The following ARNT2 variants were observed in gnomAD, a reference collection of about 807,000 sequenced individuals.
ARNT2 encodes ARNT protein 2.
In ARNT2, 36 loss-of-function variants were observed where a neutral mutation model predicts 91.7. The observed-to-expected ratio is 0.39, with a 90% confidence interval of 0.30 to 0.52. The LOEUF (loss-of-function observed/expected upper bound fraction) is 0.52. ARNT2 is among the 20% of genes least tolerant of loss of function. The probability of loss-of-function intolerance (pLI) is 0.72; values close to 1 mark genes in which losing one functional copy is unlikely to be tolerated. For missense variants in ARNT2, 775 were observed against 939.3 expected (o/e 0.83, Z 2.29); for synonymous variants, 365 against 347.1 (o/e 1.05, Z -0.57).
chr15:80,590,999 A>G (rs1369241109), intron 17 of ARNT2, among the ~76,000 whole-genome samples: 2 of 152,182 alleles, frequency 1.3e-5, no homozygotes, highest in African/African-American at 2.4e-5. Flanking sequence ...GGGACCTTGT[A>G]TAATGCGTGT....
chr15:80,421,338 T>G (rs1045733623), intron 1 of ARNT2, among the ~76,000 whole-genome samples: 9 of 144,298 alleles, frequency 6.2e-5, no homozygotes, highest in African/African-American at 2.3e-4. Flanking sequence ...ATTTCGGCCT[T>G]CACTATACAA....
At chr15:80,474,651 C>G (rs1281201118) in intron 4 of ARNT2, among the ~76,000 whole-genome samples, 1 of 152,144 alleles carries the variant, frequency 6.6e-6, no homozygotes, top group African/African-American at 2.4e-5. Context: ...CCCTTCTGCT[C>G]CAATGACATG....
At position 80,404,435 on chromosome 15, in the gene ARNT2, G is replaced by A. The variant is rs1458002071; in HGVS notation, c.-81G>A. ...GCGGCGGCGGCGCCTGGGCCTGACC[G>A]GGTCCCCGGGGCTGAGCGCCGGGCT... On this transcript the variant is annotated 5_prime_UTR_variant, in exon 1 of 19. Coordinates refer to ENST00000303329, the MANE Select transcript of ARNT2 (RefSeq NM_014862.4). The surrounding 1 kb of genome is among the most constrained non-coding windows in gnomAD (Gnocchi z 5.5). The A allele has an allele frequency of 1.0e-6, 1 of 990,800 alleles. No individual in the cohort carries two copies. The highest frequency in any genetic ancestry group is 1.2e-6 in the Non-Finnish European group (1 of 801,884). 61.4% of individuals were successfully genotyped at this position (990,800 alleles called of 1,614,324 possible). A position where few individuals can be genotyped will look rare whatever the true frequency, so the allele number is the denominator to read the frequency against.
intron 8 of ARNT2, among the ~76,000 whole-genome samples, chr15:80,522,326 A>G (rs1238295545): frequency 1.3e-5 from 2 of 152,226 alleles, no homozygotes; most frequent in Non-Finnish European, 2.9e-5. Context: ...TAGTGCATAC[A>G]TAATGGAGCC....
chr15:80,430,260 A>G (rs1227989313), intron 1 of ARNT2, among the ~76,000 whole-genome samples: 7 of 151,700 alleles, frequency 4.6e-5, no homozygotes, highest in African/African-American at 1.7e-4. Context: ...TGAGTTGGAG[A>G]TCTCTGTGGT....
intron 8 of ARNT2, among the ~76,000 whole-genome samples, chr15:80,540,230 T>C (rs946675852): frequency 2.6e-5 from 4 of 152,222 alleles, no homozygotes; most frequent in Non-Finnish European, 5.9e-5. Flanking sequence ...GAGAAACTGC[T>C]AGACTGTTTT....
At chr15:80,464,195 G>A (rs1896612817) in intron 3 of ARNT2, among the ~76,000 whole-genome samples, 1 of 152,144 alleles carries the variant, frequency 6.6e-6, no homozygotes, top group African/African-American at 2.4e-5. Context: ...CTCTGTTGGG[G>A]AGAGGTGGTG....
At chr15:80,423,776 CAG>C (rs3054951) in intron 1 of ARNT2, among the ~76,000 whole-genome samples, 441 of 148,356 alleles carry the variant, frequency 3.0e-3, no homozygotes, top group Non-Finnish European at 4.8e-3. Context: ...GAGAAAGAGG[CAG>C]AGAGAGAGAG....
intron 6 of ARNT2, among the ~76,000 whole-genome samples, chr15:80,509,932 G>A (rs183306157): frequency 2.6e-5 from 4 of 152,264 alleles, no homozygotes; most frequent in East Asian, 1.9e-4. Flanking sequence ...ACTTTACATC[G>A]CTTCAGCTTT....
At chr15:80,536,430 C>T (rs941076932) in intron 8 of ARNT2, among the ~76,000 whole-genome samples, 2 of 152,136 alleles carry the variant, frequency 1.3e-5, no homozygotes, top group Non-Finnish European at 2.9e-5. Context: ...TTGCCTGCCC[C>T]TTACTGTGCA....
chr15:80,416,306 GTC>G (rs943652525), intron 1 of ARNT2, among the ~76,000 whole-genome samples: 12 of 147,266 alleles, frequency 8.1e-5, no homozygotes, highest in African/African-American at 7.5e-5. Context: ...TTTTTTCTCT[GTC>G]TCTCTCTCTC....
chr15:80,414,820 G>A (rs1244449018), intron 1 of ARNT2, among the ~76,000 whole-genome samples: 1 of 150,474 alleles, frequency 6.6e-6, no homozygotes, highest in Non-Finnish European at 1.5e-5. Flanking sequence ...ATTCAGTTCA[G>A]CCAGCCTCCC....
chr15:80,586,770 G>A lies in ARNT2; in HGVS notation c.1919-4798G>A, dbSNP rs768161690. Among the ~76,000 whole-genome samples the A allele has an allele frequency of 1.5e-4, 23 of 151,768 alleles. 1 individual carries two copies. The highest frequency in any genetic ancestry group is 3.1e-4 in the Non-Finnish European group (21 of 67,974). ...GCAGGAGAATTGCTTGAACCTGGGAGGTGGAGGTTGCAGTGAGCCGAGATT... is the reference window on the plus strand; with the variant it reads ...GCAGGAGAATTGCTTGAACCTGGGAAGTGGAGGTTGCAGTGAGCCGAGATT... On this transcript the variant is annotated intron_variant, in intron 17 of 18. Transcript: ENST00000303329.
At chr15:80,522,686 T>C (rs939391619) in intron 8 of ARNT2, among the ~76,000 whole-genome samples, 5 of 151,936 alleles carry the variant, frequency 3.3e-5, no homozygotes, top group East Asian at 1.9e-4. Flanking sequence ...TGTAATCTTA[T>C]GGGACCACTG....
intron 8 of ARNT2, among the ~76,000 whole-genome samples, chr15:80,514,920 C>A (rs1897409275): frequency 6.6e-6 from 1 of 152,094 alleles, no homozygotes; most frequent in East Asian, 1.9e-4. Flanking sequence ...AACAAAAAAA[C>A]CCACAACTAA....
chr15:80,424,061 A>G (rs911733115), intron 1 of ARNT2, among the ~76,000 whole-genome samples: 7 of 152,254 alleles, frequency 4.6e-5, no homozygotes, highest in Middle Eastern at 3.4e-3. Context: ...GCATCTTACC[A>G]ATGAAAACTC....
At chr15:80,514,876 A>G (rs1361297492) in intron 8 of ARNT2, among the ~76,000 whole-genome samples, 1 of 152,038 alleles carries the variant, frequency 6.6e-6, no homozygotes, top group Non-Finnish European at 1.5e-5. Context: ...ACACAGCAAG[A>G]CCCCATCTCA....
intron 12 of ARNT2, among the ~76,000 whole-genome samples, chr15:80,567,980 C>G (rs773031395): frequency 1.3e-5 from 2 of 152,070 alleles, no homozygotes; most frequent in African/African-American, 4.8e-5. Flanking sequence ...GAGGGGATGG[C>G]GAGGGTGGAG....
chr15:80,482,917 CT>C (rs1460057930), intron 5 of ARNT2, among the ~76,000 whole-genome samples: 2 of 152,210 alleles, frequency 1.3e-5, no homozygotes, highest in Non-Finnish European at 2.9e-5. Context: ...TGAAACCATC[CT>C]GGGACTTCAT....
Sources: gnomAD v4.1 joint callset for allele counts (sites outside exome capture counted in the v4.1 genomes callset) on GRCh38, gnomAD v4.1.1 for gene constraint, Gnocchi (gnomAD v3.1) non-coding constraint, MANE v1.5 for transcripts, NCBI Gene and HGNC (gene_info 2026-07-23, HGNC 2026-07-21) for gene names.